SLC14A2: variants seen among roughly 807,000 people sequenced by gnomAD.
The protein encoded by SLC14A2 is urea transporter 2.
SLC14A2 carries 91 observed loss-of-function variants against 104.6 expected under a neutral mutation model. That is an observed-to-expected ratio of 0.87 (90% CI 0.73 to 1.04). The LOEUF is 1.04. SLC14A2 is among the 50% of genes least tolerant of loss of function. The probability of loss-of-function intolerance (pLI) is 0.00; values close to 1 mark genes in which losing one functional copy is unlikely to be tolerated. For synonymous variants in SLC14A2, 476 were observed against 466.4 expected (o/e 1.02, Z -0.27); for missense variants, 1,189 against 1,156.0 (o/e 1.03, Z -0.41).
chr18:45,634,696 G>A (rs1171146551), intron 5 of SLC14A2: 1 of 404,038 alleles, frequency 2.5e-6, no homozygotes, highest in Non-Finnish European at 5.0e-6. Context: ...GTCAGACCAG[G>A]TACACCCTGT....
chr18:45,603,839 G>A (rs1177435687), intron 2 of SLC14A2, among the ~76,000 whole-genome samples: 1 of 152,228 alleles, frequency 6.6e-6, no homozygotes, highest in Non-Finnish European at 1.5e-5. Context: ...AAAGGAGTGA[G>A]TCACTAATGG....
At chr18:45,580,590 A>C (rs2044476064) in intron 2 of SLC14A2, among the ~76,000 whole-genome samples, 1 of 152,246 alleles carries the variant, frequency 6.6e-6, no homozygotes, top group Non-Finnish European at 1.5e-5. Context: ...GCTAGTTCTC[A>C]GTTATGGCTT....
chr18:45,322,529 T>C (rs141697911), intron 1 of SLC14A2, among the ~76,000 whole-genome samples: 69 of 152,364 alleles, frequency 4.5e-4, no homozygotes, highest in African/African-American at 1.5e-3. Context: ...ATTTGATAAA[T>C]GTTACACATT....
chr18:45,403,647 C>A (rs1256229976), intron 1 of SLC14A2, among the ~76,000 whole-genome samples: 1 of 152,074 alleles, frequency 6.6e-6, no homozygotes, highest in Non-Finnish European at 1.5e-5. Flanking sequence ...AGTTCATGGT[C>A]TTGGCCTAAT....
Position 45,567,055 on chromosome 18 carries a change from AGTGTGTGTGTGTGTGTGTGT to A in SLC14A2, c.-34-57551_-34-57532del, listed in dbSNP as rs3058364. Reference sequence around the variant, plus strand: ...TCTATAGCTGAGGACATGTGCACATAGTGTGTGTGTGTGTGTGTGTGTGTGTGTGTGTGTGTGTGTGTGTA... The same window carrying A: ...TCTATAGCTGAGGACATGTGCACATAGTGTGTGTGTGTGTGTGTGTGTGTA... On this transcript the variant is annotated intron_variant, in intron 2 of 20. Transcript: ENST00000586448. Among the ~76,000 whole-genome samples the A allele has an allele frequency of 2.8e-3, 390 of 139,900 alleles. 3 individuals are homozygous for A. Among genetic ancestry groups the A allele is most frequent in the African/African-American group, 9.8e-3 (367 of 37,386 alleles). 91.8% of individuals were successfully genotyped at this position (139,900 alleles called of 152,430 possible).
chr18:45,357,529 C>G (rs1009416747), intron 1 of SLC14A2, among the ~76,000 whole-genome samples: 1 of 152,042 alleles, frequency 6.6e-6, no homozygotes, highest in African/African-American at 2.4e-5. Context: ...GACATGATAG[C>G]ACCACTGAGC....
chr18:45,214,014 A>G lies in SLC14A2; in HGVS notation c.-125+823A>G, dbSNP rs140624941. On this transcript the variant is annotated intron_variant, in intron 1 of 20. Coordinates refer to the SLC14A2 transcript ENST00000586448. ...TAAGCATTCCCCACCTGCCAGGATA[A>G]AAGGAAGGGTATAGGTAGGAAAAGG... 2.1e-3 allele frequency among the ~76,000 whole-genome samples: 322 copies of G among 152,324 alleles called. 1 individual carries two copies. The highest frequency in any genetic ancestry group is 3.4e-3 in the Middle Eastern group (1 of 294).
chr18:45,497,679 C>T (rs2043124101), intron 2 of SLC14A2, among the ~76,000 whole-genome samples: 1 of 152,188 alleles, frequency 6.6e-6, no homozygotes, highest in African/African-American at 2.4e-5. Flanking sequence ...AACCAGTAGG[C>T]ATGGTGTTCC....
intron 10 of SLC14A2, among the ~76,000 whole-genome samples, chr18:45,653,262 C>T (rs2045771331): frequency 6.6e-6 from 1 of 152,096 alleles, no homozygotes; most frequent in Non-Finnish European, 1.5e-5. Flanking sequence ...CTGCTGGGCT[C>T]CTCCCACCCC....
At chr18:45,647,818 A>G (rs1599116723) in intron 10 of SLC14A2, 1 of 152,042 alleles carries the variant, frequency 6.6e-6, no homozygotes, top group African/African-American at 2.4e-5. Flanking sequence ...GTTTTATTGG[A>G]TTATGAGCAG....
chr18:45,451,196 T>C (rs1012167153), intron 1 of SLC14A2, among the ~76,000 whole-genome samples: 1 of 152,164 alleles, frequency 6.6e-6, no homozygotes, highest in Non-Finnish European at 1.5e-5. Context: ...CAACTAACCC[T>C]GACCCCTTCA....
chr18:45,579,980 C>T (rs1234647753), intron 2 of SLC14A2, among the ~76,000 whole-genome samples: 2 of 152,110 alleles, frequency 1.3e-5, no homozygotes, highest in Admixed American at 6.5e-5. Context: ...ATGGGGGACT[C>T]GGGAAGCCTT....
chr18:45,551,838 T>G (rs993022344), intron 2 of SLC14A2, among the ~76,000 whole-genome samples: 1 of 152,166 alleles, frequency 6.6e-6, no homozygotes, highest in Non-Finnish European at 1.5e-5. Flanking sequence ...CATCCCAGAG[T>G]TGGAAGGGGA....
chr18:45,414,110 A>G (rs2086243714), intron 1 of SLC14A2, among the ~76,000 whole-genome samples: 1 of 152,244 alleles, frequency 6.6e-6, no homozygotes, highest in Non-Finnish European at 1.5e-5. Flanking sequence ...AAGGACCTGC[A>G]TAATTTATTA....
intron 1 of SLC14A2, among the ~76,000 whole-genome samples, chr18:45,332,539 A>G (rs1469295172): frequency 6.6e-6 from 1 of 152,160 alleles, no homozygotes; most frequent in Non-Finnish European, 1.5e-5. Flanking sequence ...TATTGTGCCC[A>G]CTAATAATTA....
intron 2 of SLC14A2, among the ~76,000 whole-genome samples, chr18:45,580,481 G>A (rs1254223982): frequency 6.6e-6 from 1 of 152,112 alleles, no homozygotes; most frequent in East Asian, 1.9e-4. Context: ...AGGAGCCTTA[G>A]AAGTCTCAGT....
chr18:45,393,299 G>A (rs1286102974), intron 1 of SLC14A2, among the ~76,000 whole-genome samples: 4 of 152,178 alleles, frequency 2.6e-5, no homozygotes, highest in Non-Finnish European at 5.9e-5. Context: ...GAAGAGTCCA[G>A]GAAGACCCAA....
intron 2 of SLC14A2, chr18:45,550,098 CCTT>C (rs1329364359): frequency 3.9e-5 from 6 of 151,962 alleles, no homozygotes; most frequent in Non-Finnish European, 7.4e-5. Context: ...CAAAGGAAGT[CCTT>C]CTTCATGTAG....
chr18:45,372,997 C>A (rs2085738702), intron 1 of SLC14A2, among the ~76,000 whole-genome samples: 2 of 152,158 alleles, frequency 1.3e-5, no homozygotes, highest in East Asian at 3.9e-4. Flanking sequence ...ATTTCGAATG[C>A]TCAATAGCCA....
Sources: gnomAD v4.1 joint callset for allele counts (sites outside exome capture counted in the v4.1 genomes callset) on GRCh38, gnomAD v4.1.1 for gene constraint, MANE v1.5 for transcripts, NCBI Gene and HGNC (gene_info 2026-07-23, HGNC 2026-07-21) for gene names.